The following HINT2 variants were observed in gnomAD, a reference collection of about 807,000 sequenced individuals.
HINT2 encodes histidine triad nucleotide binding protein 2.
Under a neutral mutation model 20.0 loss-of-function variants are expected in HINT2, and 17 were observed. The ratio of observed to expected loss-of-function variants is 0.85; its 90% CI spans 0.58 to 1.27. The LOEUF (loss-of-function observed/expected upper bound fraction) is 1.27, where lower values mean the gene tolerates loss of function less well. Among genes scored for constraint, HINT2 ranks in the 50% most tolerant of loss-of-function variants. HINT2 has a pLI of 0.00. For synonymous variants in HINT2, 96 were observed against 84.2 expected (o/e 1.14, Z -0.77); for missense variants, 217 against 211.9 (o/e 1.02, Z -0.15).
chr9:35,813,814 G>T (rs1014937763), intron 1 of HINT2, 30 bp from the exon 2 acceptor site: 3 of 1,592,078 alleles, frequency 1.9e-6, no homozygotes, highest in African/African-American at 1.3e-5. Context: ...ATTCAAAGGA[G>T]GGAGCTGGCA....
chr9:35,814,806 C>G (rs1040414642), intron 1 of HINT2, 93 bp downstream of exon 1: 2 of 1,105,976 alleles, frequency 1.8e-6, no homozygotes, highest in Non-Finnish European at 2.4e-6. Context: ...CAGGCAGGAG[C>G]TCTGCGCGGC....
In HINT2 at chr9:35,814,995, G is replaced by A. The variant is rs1426289714; in HGVS notation, c.-16C>T. ...CTGCCGCCATCTTCCCTGAGCCGCG[G>A]GAACCTCTCACCCGGGTCAGCACTC... On this transcript the variant is annotated 5_prime_UTR_variant, in exon 1 of 5. Coordinates refer to ENST00000259667, the MANE Select transcript of HINT2 (RefSeq NM_032593.3). The A allele has an allele frequency of 4.8e-6, 7 of 1,452,240 alleles. No homozygotes were observed. The highest frequency in any genetic ancestry group is 2.3e-4 in the Middle Eastern group (1 of 4,288). The allele number at this position is 1,452,240 out of a possible 1,614,324, so 90.0% of individuals were successfully genotyped here.
At position 35,813,429 on chromosome 9, in the gene HINT2, G is replaced by A. The variant is rs369831053; in HGVS notation, c.327+16C>T. The A allele has an allele frequency of 2.3e-4, 365 of 1,613,468 alleles. No individual in the cohort carries two copies. The highest frequency in any genetic ancestry group is 2.9e-4 in the Non-Finnish European group (342 of 1,179,536). On this transcript the variant is annotated intron_variant, in intron 3 of 4. Coordinates refer to ENST00000259667, the MANE Select transcript of HINT2 (RefSeq NM_032593.3). ...AGGGGCTCCTCCCAGCCAAACCCTG[G>A]CCCTGTTCTTCCCACCTGCTGGTCT... is the stretch of plus-strand genomic sequence containing the variant.
Position 35,813,488 on chromosome 9 carries a change from T to C in HINT2, c.284A>G (p.Lys95Arg). 2 of 1,614,176 alleles carry C rather than the reference T, an allele frequency of 1.2e-6. No homozygotes were observed. The highest frequency in any genetic ancestry group is 2.2e-5 in the South Asian group (2 of 91,080). Residue 95 changes from lysine to arginine, a missense_variant, in exon 3 of 5, where the codon AAG (lysine) becomes AGG (arginine). By Grantham distance (26) the Lys-to-Arg change is conservative. Transcript: ENST00000259667. ...APVHFLVIPK[K>R]PIPRISQAEE... is the part of the protein sequence containing the mutation. ...AGCCTGGCTAATCCGAGGAATGGGC[T>C]TCTTAGGAATGACCAGGAAGTGCAC...
At chr9:35,815,121 C>A, upstream of HINT2, 1 of 713,534 alleles carries the variant, frequency 1.4e-6, no homozygotes, top group Non-Finnish European at 2.1e-6. Context: ...CCTCTGAGCA[C>A]GATTCACCCC....
chr9:35,813,362 A>T (rs1260982228), intron 3 of HINT2, 24 bp from the exon 4 acceptor site: 5 of 1,610,732 alleles, frequency 3.1e-6, no homozygotes, highest in African/African-American at 1.3e-5. Context: ...GGAGGGACAT[A>T]GGTGGCTTCA....
At position 35,815,014 on chromosome 9, in the gene HINT2, A is replaced by AGC; in HGVS notation, c.-37_-36dup. The AGC allele has an allele frequency of 7.2e-7, 1 of 1,391,524 alleles. No homozygotes were observed. Among genetic ancestry groups the AGC allele is most frequent in the Non-Finnish European group, 9.3e-7 (1 of 1,078,872 alleles). The allele number at this position is 1,391,524 out of a possible 1,614,324, so 86.2% of individuals were successfully genotyped here. A position where few individuals can be genotyped will look rare whatever the true frequency, so the allele number is the denominator to read the frequency against. ...GCCGCGGGAACCTCTCACCCGGGTC[A>AGC]GCACTCGGCTCCGCGGCCGGCCGTG... On this transcript the variant is annotated 5_prime_UTR_variant, in exon 1 of 5. Transcript: ENST00000259667.
chr9:35,814,779 C>T, intron 1 of HINT2, 120 bp downstream of exon 1: 2 of 848,126 alleles, frequency 2.4e-6, no homozygotes, highest in Non-Finnish European at 3.4e-6. Context: ...GCTTGTGCCT[C>T]GGAGGGGCAG....
At chr9:35,814,703 AG>A (rs1397843517) in intron 1 of HINT2, 195 bp downstream of exon 1, 4 of 530,798 alleles carry the variant, frequency 7.5e-6, no homozygotes, top group Non-Finnish European at 9.6e-6. Flanking sequence ...CGGCCTGCGC[AG>A]GGCGGGAATC....
In HINT2 at chr9:35,813,738, G is replaced by A. The variant is rs1230625447; in HGVS notation, c.128C>T (p.Ala43Val). Residue 43 changes from alanine (A) to valine (V), a missense_variant, in exon 2 of 5, where the codon GCC (alanine) becomes GTC (valine). Ala to Val is a moderately conservative substitution (Grantham distance 64). Transcript: ENST00000259667. ...TGCTCCCCCAGGAGTTGCCTGCTGG[G>A]CCTTGGCCACTTCATTCCCATCAGT... ...GVTDGNEVAK[A>V]QQATPGGAAP... The A allele has an allele frequency of 1.2e-6, 2 of 1,613,986 alleles. No individual in the cohort carries two copies. The highest frequency in any genetic ancestry group is 1.7e-6 in the Non-Finnish European group (2 of 1,179,910).
chr9:35,813,744 G>A lies in HINT2; in HGVS notation c.122C>T (p.Ala41Val), dbSNP rs1270864032. The A allele has an allele frequency of 1.9e-6, 3 of 1,613,946 alleles. No individual in the cohort carries two copies. Among genetic ancestry groups the A allele is most frequent in the East Asian group, 2.2e-5 (1 of 44,880 alleles). ...AAGVTDGNEV[A>V]KAQQATPGGA... Reference sequence around the variant, plus strand: ...CCCAGGAGTTGCCTGCTGGGCCTTGGCCACTTCATTCCCATCAGTCACACC... The same window carrying A: ...CCCAGGAGTTGCCTGCTGGGCCTTGACCACTTCATTCCCATCAGTCACACC... The change falls in exon 2 of 5, where the codon GCC becomes GTC. Residue 41 changes from alanine to valine, a missense_variant. By Grantham distance (64) the Ala-to-Val change is moderately conservative. Coordinates refer to ENST00000259667, the MANE Select transcript of HINT2 (RefSeq NM_032593.3).
At chr9:35,814,719 C>A (rs1390853162) in intron 1 of HINT2, 180 bp downstream of exon 1, 48 of 561,854 alleles carry the variant, frequency 8.5e-5, no homozygotes, top group Non-Finnish European at 1.3e-4. Context: ...GGAATCAGCA[C>A]CAGCTCGTTC....
Position 35,814,950 on chromosome 9 carries a change from C to T in HINT2, c.30G>A (p.Gly10=). 6.7e-7 allele frequency: 1 copy of T among 1,483,148 alleles called. No homozygotes were observed. The highest frequency in any genetic ancestry group is 8.9e-7 in the Non-Finnish European group (1 of 1,124,242). The allele number at this position is 1,483,148 out of a possible 1,614,324, so 91.9% of individuals were successfully genotyped here. A position where few individuals can be genotyped will look rare whatever the true frequency, so the allele number is the denominator to read the frequency against. Residue 10 remains glycine, a synonymous_variant, in exon 1 of 5, where the codon GGG becomes GGA. Transcript: ENST00000259667. ...CCACGGCTCTGCGCGCCGCGCGCAA[C>T]CCAGCAGCCAGCACCACGGCTGCCG... MAAAVVLAA[G]LRAARRAVAA... is the part of the protein sequence containing the mutation.
chr9:35,813,968 G>A (rs1828940578), intron 1 of HINT2, 184 bp from the exon 2 acceptor site: 1 of 624,758 alleles, frequency 1.6e-6, no homozygotes, highest in Non-Finnish European at 2.8e-6. Context: ...ATAACAGGCG[G>A]TATTATTATC....
chr9:35,813,275 A>T lies in HINT2; in HGVS notation c.391T>A (p.Tyr131Asn), dbSNP rs1828900218. The change falls in exon 4 of 5, where the codon TAC (tyrosine) becomes AAC (asparagine). Residue 131 changes from tyrosine (Y) to asparagine (N), a missense_variant. Transcript: ENST00000259667. ...TAKAEGLGDG[Y>N]RLVINDGKLG... ...GCCAAAAGTCACTCACCAAGTCGGT[A>T]TCCATCTCCCAGGCCCTCAGCCTTT... 6.2e-7 allele frequency: 1 copy of T among 1,614,178 alleles called. No homozygotes were observed.
At chr9:35,813,613 C>T (rs778906021) in intron 2 of HINT2, 31 bp downstream of exon 2, 74 of 1,613,994 alleles carry the variant, frequency 4.6e-5, no homozygotes, top group Non-Finnish European at 6.0e-5. Flanking sequence ...CTACAACATT[C>T]CTAAGGGGAT....
At chr9:35,814,320 G>C (rs1204842451) in intron 1 of HINT2, 1 of 155,264 alleles carries the variant, frequency 6.4e-6, no homozygotes, top group African/African-American at 2.4e-5. Context: ...CCTCATCTGG[G>C]TGTCACATGT....
In HINT2 at chr9:35,814,920, G is replaced by T; in HGVS notation, c.60C>A (p.Ala20=). The part of the protein sequence containing the change: ...GLRAARRAVA[A]TGVRGGQVRG... ...TCACCTGCCCCCCGCGCACCCCCGT[G>T]GCCGCCACGGCTCTGCGCGCCGCGC... Residue 20 remains alanine, a synonymous_variant, in exon 1 of 5, where the codon GCC becomes GCA. Transcript: ENST00000259667. The T allele has an allele frequency of 6.7e-7, 1 of 1,486,928 alleles. No homozygotes were observed. The highest frequency in any genetic ancestry group is 8.9e-7 in the Non-Finnish European group (1 of 1,126,182). 92.1% of individuals were successfully genotyped at this position (1,486,928 alleles called of 1,614,324 possible).
At chr9:35,813,833 G>A (rs778452052) in intron 1 of HINT2, 49 bp from the exon 2 acceptor site, 3 of 1,565,684 alleles carry the variant, frequency 1.9e-6, no homozygotes, top group East Asian at 2.3e-5. Context: ...CAGAAGCTGG[G>A]CTCTGATAGT....
Sources: gnomAD v4.1 joint callset for allele counts on GRCh38, gnomAD v4.1.1 for gene constraint, MANE v1.5 for transcripts, NCBI Gene and HGNC (gene_info 2026-07-23, HGNC 2026-07-21) for gene names.